The following IL15 variants were observed in gnomAD, a reference collection of about 807,000 sequenced individuals.
IL15 encodes the protein interleukin-15.
Under a neutral mutation model 19.6 loss-of-function variants are expected in IL15, and 11 were observed. That is an observed-to-expected ratio of 0.56 (90% confidence interval 0.35 to 0.93). The LOEUF is 0.93. Among genes scored for constraint, IL15 ranks in the 40% least tolerant of loss-of-function variants. The probability of loss-of-function intolerance (pLI) is 0.01; values close to 1 mark genes in which losing one functional copy is unlikely to be tolerated. For missense variants in IL15, 197 were observed against 186.5 expected, an observed-to-expected ratio of 1.06 and a Z score of -0.33; for synonymous variants, 58 against 59.6, an observed-to-expected ratio of 0.97 and a Z score of 0.12.
chr4:141,659,077 C>T (rs1439084659), intron 2 of IL15, among the ~76,000 whole-genome samples: 1 of 152,018 alleles, frequency 6.6e-6, no homozygotes, highest in East Asian at 1.9e-4. Context: ...TCTCGATCTC[C>T]TGACCTTGTG....
intron 2 of IL15, among the ~76,000 whole-genome samples, chr4:141,709,984 G>T (rs570419753): frequency 6.6e-6 from 1 of 152,090 alleles, no homozygotes; most frequent in South Asian, 2.1e-4. Context: ...TAAGTGAGAA[G>T]ATGCAGTATT....
intron 2 of IL15, among the ~76,000 whole-genome samples, chr4:141,659,783 C>A (rs536049882): frequency 6.6e-6 from 1 of 152,212 alleles, no homozygotes; most frequent in African/African-American, 2.4e-5. Context: ...AGGGATCTCC[C>A]CTAGTATATG....
chr4:141,713,256 G>A (rs1729767475), intron 2 of IL15, among the ~76,000 whole-genome samples: 2 of 152,176 alleles, frequency 1.3e-5, no homozygotes, highest in Admixed American at 6.6e-5. Context: ...TTTCTCAGCT[G>A]TACTTAAATT....
chr4:141,655,491 C>T (rs529336622), intron 1 of IL15, among the ~76,000 whole-genome samples: 3 of 151,898 alleles, frequency 2.0e-5, no homozygotes, highest in South Asian at 4.2e-4. Flanking sequence ...AAGCTTCATG[C>T]GGATTCTTGG....
chr4:141,640,305 C>T (rs199872196), intron 1 of IL15, among the ~76,000 whole-genome samples: 1 of 144,620 alleles, frequency 6.9e-6, no homozygotes, highest in Non-Finnish European at 1.5e-5. Flanking sequence ...CCTGAATTTA[C>T]AAAGAAAAAA....
intron 2 of IL15, among the ~76,000 whole-genome samples, chr4:141,664,931 A>G (rs547335375): frequency 2.6e-5 from 4 of 152,132 alleles, no homozygotes; most frequent in Non-Finnish European, 1.5e-5. Context: ...GAAAAATTTC[A>G]CCTCTTTTGA....
chr4:141,656,016 GAA>G (rs1727580938), intron 1 of IL15, among the ~76,000 whole-genome samples, 168 bp from the exon 2 acceptor site: 2 of 152,200 alleles, frequency 1.3e-5, no homozygotes. Context: ...GAGGATTGTA[GAA>G]AAGATTTCCC....
chr4:141,719,374 G>C lies in IL15; in HGVS notation c.-91G>C. ...ATCATACTTTACCCTAGATTGTATT[G>C]TAGGAGGCATTGTGGATGGATGGCT... On this transcript the variant is annotated 5_prime_UTR_variant, in exon 3 of 8. Coordinates refer to ENST00000320650, the MANE Select transcript of IL15 (RefSeq NM_000585.5). 1.4e-6 allele frequency: 1 copy of C among 704,782 alleles called. No individual in the cohort carries two copies. The highest frequency in any genetic ancestry group is 1.7e-5 in the South Asian group (1 of 59,850). 43.7% of individuals were successfully genotyped at this position (704,782 alleles called of 1,614,324 possible).
chr4:141,638,476 G>C (rs1247745777), intron 1 of IL15, among the ~76,000 whole-genome samples: 1 of 152,202 alleles, frequency 6.6e-6, no homozygotes, highest in African/African-American at 2.4e-5. Context: ...TGGTTTCACT[G>C]TTCCTTGCTG....
In IL15 at chr4:141,650,732, A is replaced by G. The variant is rs1344585609; in HGVS notation, c.-221-5454A>G. Among the ~76,000 whole-genome samples the G allele has an allele frequency of 2.6e-5, 4 of 152,208 alleles. No homozygotes were observed. The East Asian group carries it at 7.7e-4, about 29-fold the overall frequency. ...AACCAACATAACATGGATGGATTCT[A>G]TCATATGCTGAGATTTTCAACCTGT... On this transcript the variant is annotated intron_variant, in intron 1 of 7. Coordinates refer to ENST00000320650, the MANE Select transcript of IL15 (RefSeq NM_000585.5).
intron 2 of IL15, among the ~76,000 whole-genome samples, chr4:141,698,567 G>A (rs1481461656): frequency 6.6e-6 from 1 of 151,714 alleles, no homozygotes; most frequent in Non-Finnish European, 1.5e-5. Flanking sequence ...AATCTAGGAG[G>A]GTTGTATATT....
At chr4:141,661,747 T>A (rs113118952) in intron 2 of IL15, among the ~76,000 whole-genome samples, 2 of 152,160 alleles carry the variant, frequency 1.3e-5, no homozygotes, top group Non-Finnish European at 2.9e-5. Context: ...AATGGCGAGC[T>A]CTGTTGCACT....
chr4:141,682,818 T>A (rs1466944886), intron 2 of IL15, among the ~76,000 whole-genome samples: 2 of 150,974 alleles, frequency 1.3e-5, no homozygotes, highest in East Asian at 3.9e-4. Context: ...ATTAGCCGGG[T>A]GTGGTGGCGG....
chr4:141,684,998 G>A lies in IL15; in HGVS notation c.-100+28691G>A, dbSNP rs138352385. ...ACAAAGAGGTCATGAAATAGTGTAAGTCAAAACCAAGTAGGGAATTACAAG... is the reference window on the plus strand; with the variant it reads ...ACAAAGAGGTCATGAAATAGTGTAAATCAAAACCAAGTAGGGAATTACAAG... On this transcript the variant is annotated intron_variant, in intron 2 of 7. Coordinates refer to ENST00000320650, the MANE Select transcript of IL15 (RefSeq NM_000585.5). 9.0e-4 allele frequency among the ~76,000 whole-genome samples: 136 copies of A among 151,580 alleles called. 1 individual carries two copies. The highest frequency in any genetic ancestry group is 2.9e-3 in the African/African-American group (120 of 41,330).
intron 2 of IL15, among the ~76,000 whole-genome samples, chr4:141,678,982 A>G (rs1385932352): frequency 6.6e-6 from 1 of 152,114 alleles, no homozygotes; most frequent in Non-Finnish European, 1.5e-5. Context: ...GATAACTATT[A>G]ATTTCTTTGT....
At chr4:141,686,216 G>A (rs2152174787) in intron 2 of IL15, among the ~76,000 whole-genome samples, 1 of 151,900 alleles carries the variant, frequency 6.6e-6, no homozygotes, top group South Asian at 2.1e-4. Context: ...AATCGCTTGA[G>A]CCCCATAGGC....
At chr4:141,705,824 T>C (rs945837659) in intron 2 of IL15, among the ~76,000 whole-genome samples, 2 of 152,078 alleles carry the variant, frequency 1.3e-5, no homozygotes, top group African/African-American at 4.8e-5. Context: ...TATTTTTATA[T>C]AATGACCTTC....
At chr4:141,667,049 TGAA>T (rs1431181134) in intron 2 of IL15, among the ~76,000 whole-genome samples, 2 of 152,276 alleles carry the variant, frequency 1.3e-5, no homozygotes, top group South Asian at 2.1e-4. Flanking sequence ...TGCAGAAAGG[TGAA>T]GAAGAACTCA....
At chr4:141,719,570 C>T (rs961358349) in intron 3 of IL15, 94 bp downstream of exon 3, 1 of 1,009,446 alleles carries the variant, frequency 9.9e-7, no homozygotes, top group Non-Finnish European at 1.5e-6. Flanking sequence ...TGGTTATTCT[C>T]CAAAGATCTT....
Sources: allele counts gnomAD v4.1 joint callset (sites outside exome capture counted in the v4.1 genomes callset), GRCh38; gene constraint gnomAD v4.1.1; transcripts MANE v1.5; gene names NCBI Gene and HGNC (gene_info 2026-07-23, HGNC 2026-07-21).